KIF20B: variants seen among roughly 807,000 people sequenced by gnomAD.
KIF20B encodes kinesin-like protein KIF20B.
KIF20B carries 188 observed loss-of-function variants against 232.5 expected under a neutral mutation model. The ratio of observed to expected loss-of-function variants is 0.81; its 90% CI spans 0.72 to 0.91. KIF20B has a LOEUF of 0.91. Ranked by LOEUF, KIF20B falls within the 40% of genes least tolerant of loss-of-function variation. KIF20B has a pLI of 0.00. For synonymous variants in KIF20B, 712 were observed against 683.0 expected (o/e 1.04, Z -0.66); for missense variants, 2,154 against 2,055.9 (o/e 1.05, Z -0.92).
At chr10:89,712,922 G>C (rs1280343549) in intron 6 of KIF20B, among the ~76,000 whole-genome samples, 19 of 152,088 alleles carry the variant, frequency 1.2e-4, no homozygotes. Context: ...TTTTAAGGCA[G>C]TAAAAAGTGT....
chr10:89,759,939 T>C (rs969847146), intron 27 of KIF20B, among the ~76,000 whole-genome samples: 1 of 152,170 alleles, frequency 6.6e-6, no homozygotes, highest in African/African-American at 2.4e-5. Flanking sequence ...TCTATTTCTT[T>C]ATAAATCGCC....
At chr10:89,735,535 CTT>C (rs397947713) in intron 19 of KIF20B, among the ~76,000 whole-genome samples, 5 of 108,146 alleles carry the variant, frequency 4.6e-5, no homozygotes, top group African/African-American at 3.7e-5. Context: ...TAGTAAGTGT[CTT>C]TTTTTTTTTT....
In KIF20B at chr10:89,754,684, A is replaced by G; in HGVS notation, c.4503+11A>G. ...CAACAGAATGAAATGGTTAGTAACA[A>G]TTGTATCTTTGATGTATTTCACCTA... On this transcript the variant is annotated intron_variant, in intron 26 of 32. Transcript: ENST00000371728. 6.6e-7 allele frequency: 1 copy of G among 1,509,862 alleles called. No homozygotes were observed. The highest frequency in any genetic ancestry group is 8.9e-7 in the Non-Finnish European group (1 of 1,128,014). 93.5% of individuals were successfully genotyped at this position (1,509,862 alleles called of 1,614,324 possible).
chr10:89,756,939 T>G (rs948728302), intron 26 of KIF20B, among the ~76,000 whole-genome samples: 4 of 151,692 alleles, frequency 2.6e-5, no homozygotes, highest in African/African-American at 9.7e-5. Flanking sequence ...TTTGGATTGT[T>G]TTCTGGTTTT....
intron 29 of KIF20B, among the ~76,000 whole-genome samples, chr10:89,765,573 G>A (rs1212811675): frequency 3.9e-5 from 6 of 152,034 alleles, no homozygotes; most frequent in Non-Finnish European, 8.8e-5. Context: ...AGCCCGCATC[G>A]CCAAGTCAAT....
chr10:89,735,535 CTTTTTTTTTTTT>C (rs397947713), intron 19 of KIF20B, among the ~76,000 whole-genome samples: 1 of 108,148 alleles, frequency 9.2e-6, no homozygotes, highest in Non-Finnish European at 1.8e-5. Flanking sequence ...TAGTAAGTGT[CTTTTTTTTTTTT>C]TTTTTTTTTG....
intron 5 of KIF20B, 89 bp downstream of exon 5, chr10:89,710,154 C>G: frequency 8.9e-7 from 1 of 1,126,458 alleles, no homozygotes; most frequent in Non-Finnish European, 1.2e-6. Flanking sequence ...AGTTATGTTG[C>G]TATTACCTAG....
intron 31 of KIF20B, among the ~76,000 whole-genome samples, chr10:89,771,823 G>C (rs1842469417): frequency 6.6e-6 from 1 of 151,986 alleles, no homozygotes; most frequent in Admixed American, 6.6e-5. Context: ...GTATTATTCT[G>C]TGGTGGACTA....
At chr10:89,738,845 A>G (rs1319552883) in intron 20 of KIF20B, 113 bp from the exon 21 acceptor site, 8 of 1,280,282 alleles carry the variant, frequency 6.2e-6, no homozygotes, top group Non-Finnish European at 8.5e-6. Context: ...CATAGTTTGG[A>G]TATTCCAAAT....
intron 23 of KIF20B, among the ~76,000 whole-genome samples, chr10:89,750,266 G>A (rs1452165485): frequency 6.6e-6 from 1 of 152,018 alleles, no homozygotes; most frequent in Non-Finnish European, 1.5e-5. Context: ...AGTCAGAAAT[G>A]CAAAGTGTAA....
chr10:89,772,651 A>G, intron 31 of KIF20B, 38 bp from the exon 32 acceptor site: 1 of 1,356,438 alleles, frequency 7.4e-7, no homozygotes, highest in Non-Finnish European at 1.0e-6. Flanking sequence ...GCAATTAGAA[A>G]ATTATTTCAG....
chr10:89,726,276 GT>G lies in KIF20B; in HGVS notation c.2002-12del, dbSNP rs1440302330. The G allele has an allele frequency of 1.3e-6, 2 of 1,539,742 alleles. No individual in the cohort carries two copies. Among genetic ancestry groups the G allele is most frequent in the Admixed American group, 2.0e-5 (1 of 49,864 alleles). ...CCCTACTGTTAATATTAGGCATGTG[GT>G]TTTTGCTATTTTTAGGAAACACATA... On this transcript the variant is annotated splice_polypyrimidine_tract_variant and intron_variant, in intron 15 of 32. Coordinates refer to ENST00000371728, the MANE Select transcript of KIF20B (RefSeq NM_001284259.2).
intron 18 of KIF20B, among the ~76,000 whole-genome samples, chr10:89,729,594 G>A (rs1016757048): frequency 6.6e-6 from 1 of 152,158 alleles, no homozygotes; most frequent in Non-Finnish European, 1.5e-5. Context: ...AGATTATAAT[G>A]TTTCAGGGAA....
At chr10:89,710,538 G>A (rs1403920114) in intron 5 of KIF20B, among the ~76,000 whole-genome samples, 2 of 152,006 alleles carry the variant, frequency 1.3e-5, no homozygotes, top group South Asian at 2.1e-4. Flanking sequence ...CTTGCTATTG[G>A]CTTTTAATTC....
rs188240419 is a variant in KIF20B, at chr10:89,724,493, C to T, written c.1862+390C>T. Among the ~76,000 whole-genome samples the T allele has an allele frequency of 3.1e-3, 473 of 152,190 alleles. 4 individuals are homozygous for T. The highest frequency in any genetic ancestry group is 0.011 in the African/African-American group (440 of 41,526). On this transcript the variant is annotated intron_variant, in intron 14 of 32. Transcript: ENST00000371728. The stretch of plus-strand genomic sequence containing the variant: ...GCAGTGAGCTGAGATTGTGTCACTG[C>T]ACTCCAGCCTGGGCGACAGAGTGAG...
At chr10:89,706,676 A>T (rs1217501032) in intron 2 of KIF20B, among the ~76,000 whole-genome samples, 1 of 150,382 alleles carries the variant, frequency 6.6e-6, no homozygotes, top group Non-Finnish European at 1.5e-5. Context: ...AGCATTATCT[A>T]TTGAAAAGAC....
At chr10:89,748,550 G>C (rs1281775094) in intron 23 of KIF20B, among the ~76,000 whole-genome samples, 1 of 152,134 alleles carries the variant, frequency 6.6e-6, no homozygotes, top group Non-Finnish European at 1.5e-5. Context: ...TACATTGGTG[G>C]GGTTAACTTG....
intron 25 of KIF20B, among the ~76,000 whole-genome samples, chr10:89,753,155 GTGTT>G (rs998203256): frequency 2.6e-4 from 39 of 152,012 alleles, no homozygotes; most frequent in African/African-American, 8.7e-4. Flanking sequence ...TTGTGTGTGT[GTGTT>G]TTTTTCTTGT....
intron 31 of KIF20B, among the ~76,000 whole-genome samples, chr10:89,770,047 T>G (rs1166123843): frequency 6.6e-6 from 1 of 152,078 alleles, no homozygotes; most frequent in Non-Finnish European, 1.5e-5. Context: ...ATTTTGCCTC[T>G]GCACCCAAAG....
Sources: gnomAD v4.1 joint callset for allele counts (sites outside exome capture counted in the v4.1 genomes callset) on GRCh38, gnomAD v4.1.1 for gene constraint, MANE v1.5 for transcripts, NCBI Gene and HGNC (gene_info 2026-07-23, HGNC 2026-07-21) for gene names.